The following DOCK2 variants were observed in gnomAD, a reference collection of about 807,000 sequenced individuals.
DOCK2 encodes dedicator of cytokinesis protein 2.
DOCK2 carries 87 observed loss-of-function variants against 248.9 expected under a neutral mutation model. The observed-to-expected ratio is 0.35, with a 90% CI of 0.29 to 0.42. The LOEUF (loss-of-function observed/expected upper bound fraction) is 0.42. DOCK2 is among the 10% of genes least tolerant of loss of function. The pLI is 1.00. For synonymous variants in DOCK2, 805 were observed against 821.6 expected (o/e 0.98, Z 0.35); for missense variants, 1,747 against 2,300.2 (o/e 0.76, Z 4.92).
chr5:169,696,616 T>A (rs1347928525), intron 10 of DOCK2, among the ~76,000 whole-genome samples: 1 of 152,232 alleles, frequency 6.6e-6, no homozygotes, highest in Admixed American at 6.5e-5. Context: ...AAAATGGCAA[T>A]TTGATATGCC....
intron 27 of DOCK2, among the ~76,000 whole-genome samples, chr5:169,910,008 A>C (rs905062595): frequency 6.6e-6 from 1 of 152,172 alleles, no homozygotes; most frequent in Non-Finnish European, 1.5e-5. Flanking sequence ...GCAAGTCATC[A>C]GGGTGCCTTT....
At chr5:169,871,313 G>A (rs1053071752) in intron 27 of DOCK2, among the ~76,000 whole-genome samples, 1 of 152,080 alleles carries the variant, frequency 6.6e-6, no homozygotes, top group Non-Finnish European at 1.5e-5. Context: ...TTTATTCTAA[G>A]GAGAAGAAAC....
intron 6 of DOCK2, among the ~76,000 whole-genome samples, chr5:169,678,547 G>A (rs1759472332): frequency 6.6e-6 from 1 of 152,166 alleles, no homozygotes; most frequent in Admixed American, 6.5e-5. Context: ...ACAGTCATAA[G>A]CCACCGAGCC....
intron 2 of DOCK2, among the ~76,000 whole-genome samples, chr5:169,656,102 C>A (rs996158972): frequency 1.3e-5 from 2 of 152,132 alleles, no homozygotes; most frequent in African/African-American, 2.4e-5. Context: ...ACAGCATAAC[C>A]CTATCTTTTA....
At chr5:170,080,441 C>G in intron 50 of DOCK2, 158 bp downstream of exon 50, 4 of 1,139,476 alleles carry the variant, frequency 3.5e-6, no homozygotes, top group South Asian at 1.6e-5. Context: ...TCTAATCTCT[C>G]CCCACACCCA....
intron 27 of DOCK2, among the ~76,000 whole-genome samples, chr5:169,972,574 TAGATAGATAGATGATAGATAGATA>T (rs1181463548): frequency 9.7e-4 from 64 of 66,232 alleles, no homozygotes; most frequent in African/African-American, 2.9e-3. Flanking sequence ...GATAGATAGA[TAGATAGATAGATGATAGATAGATA>T]GATAGATAGA....
chr5:169,732,012 G>A (rs409057), intron 22 of DOCK2, among the ~76,000 whole-genome samples: 48,409 of 151,568 alleles, frequency 0.32, 11,460 homozygotes, highest in African/African-American at 0.66. Context: ...CCAGCTACTC[G>A]GGAAGCTGAG....
chr5:170,045,324 G>T (rs1251204129), intron 38 of DOCK2, among the ~76,000 whole-genome samples: 2 of 152,054 alleles, frequency 1.3e-5, no homozygotes, highest in African/African-American at 4.8e-5. Context: ...TGGAAAAGGG[G>T]GCCAACACCT....
intron 34 of DOCK2, among the ~76,000 whole-genome samples, chr5:170,032,718 G>GT (rs1318945267): frequency 2.0e-5 from 3 of 152,178 alleles, no homozygotes; most frequent in African/African-American, 7.2e-5. Context: ...CAGGGAACAG[G>GT]TGCTTCTCCC....
At chr5:169,650,683 C>T (rs1463179324) in intron 1 of DOCK2, among the ~76,000 whole-genome samples, 1 of 152,128 alleles carries the variant, frequency 6.6e-6, no homozygotes, top group Non-Finnish European at 1.5e-5. Flanking sequence ...CAATGTGAGT[C>T]CTTGCTGGAG....
At chr5:169,990,043 A>G (rs986018579) in intron 29 of DOCK2, among the ~76,000 whole-genome samples, 2 of 150,606 alleles carry the variant, frequency 1.3e-5, no homozygotes, top group African/African-American at 4.9e-5. Flanking sequence ...TGGGGTCCCC[A>G]CCTCCTCCAA....
intron 27 of DOCK2, among the ~76,000 whole-genome samples, chr5:169,922,916 C>T (rs1416746608): frequency 6.6e-6 from 1 of 152,184 alleles, no homozygotes; most frequent in Non-Finnish European, 1.5e-5. Flanking sequence ...AACACCTGTA[C>T]AGTACAGTGT....
At chr5:169,773,807 A>C (rs1307362184) in intron 25 of DOCK2, among the ~76,000 whole-genome samples, 4 of 152,110 alleles carry the variant, frequency 2.6e-5, no homozygotes, top group Non-Finnish European at 1.5e-5. Context: ...AGATAATTGA[A>C]TCATGGGGGC....
At chr5:169,846,748 A>T (rs975293488) in intron 27 of DOCK2, among the ~76,000 whole-genome samples, 4 of 152,112 alleles carry the variant, frequency 2.6e-5, no homozygotes, top group Non-Finnish European at 5.9e-5. Context: ...TTTTTGTTAC[A>T]TGGATGAATT....
intron 27 of DOCK2, among the ~76,000 whole-genome samples, chr5:169,926,248 G>A (rs142769518): frequency 6.6e-6 from 1 of 152,186 alleles, no homozygotes; most frequent in African/African-American, 2.4e-5. Flanking sequence ...TCACCTGATT[G>A]TCTCTCACCT....
At chr5:169,822,323 C>A (rs952214841) in intron 26 of DOCK2, among the ~76,000 whole-genome samples, 2 of 152,230 alleles carry the variant, frequency 1.3e-5, no homozygotes, top group African/African-American at 4.8e-5. Context: ...ACATTCTTTT[C>A]AGCACCACAC....
intron 27 of DOCK2, among the ~76,000 whole-genome samples, chr5:169,873,133 C>A (rs780279664): frequency 4.7e-4 from 71 of 152,244 alleles, no homozygotes; most frequent in Non-Finnish European, 8.5e-4. Flanking sequence ...GCTATTAATG[C>A]ATTAAAATAG....
chr5:169,774,550 A>C (rs539280824), intron 25 of DOCK2, among the ~76,000 whole-genome samples: 1 of 152,326 alleles, frequency 6.6e-6, no homozygotes, highest in Admixed American at 6.5e-5. Flanking sequence ...ATGCTGGATG[A>C]CTTCTGGAAC....
intron 27 of DOCK2, among the ~76,000 whole-genome samples, chr5:169,922,645 A>C (rs1010566610): frequency 6.6e-6 from 1 of 152,252 alleles, no homozygotes; most frequent in East Asian, 1.9e-4. Flanking sequence ...TAACAGATTT[A>C]TAGTGCTCAG....
Sources: gnomAD v4.1 joint callset for allele counts (sites outside exome capture counted in the v4.1 genomes callset) on GRCh38, gnomAD v4.1.1 for gene constraint, MANE v1.5 for transcripts, NCBI Gene and HGNC (gene_info 2026-07-23, HGNC 2026-07-21) for gene names.